FNIP1: variants seen among roughly 807,000 people sequenced by gnomAD.
FNIP1 encodes folliculin interacting protein 1, also known as folliculin-interacting protein 1.
Under a neutral mutation model 124.5 loss-of-function variants are expected in FNIP1, and 40 were observed. That is an observed-to-expected ratio of 0.32 (90% CI 0.25 to 0.42). FNIP1 has a LOEUF of 0.42. FNIP1 is among the 10% of genes least tolerant of loss of function. FNIP1 has a pLI of 1.00. For missense variants in FNIP1, 1,176 were observed against 1,403.7 expected, an observed-to-expected ratio of 0.84 and a Z score of 2.59; for synonymous variants, 472 against 470.6, an observed-to-expected ratio of 1.00 and a Z score of -0.04.
At chr5:131,693,307 T>TATAC (rs1554094448) in intron 11 of FNIP1, among the ~76,000 whole-genome samples, 26 of 29,236 alleles carry the variant, frequency 8.9e-4, no homozygotes, top group African/African-American at 2.8e-3. Flanking sequence ...CATATATATA[T>TATAC]ATATATATAC....
chr5:131,705,167 T>C (rs1769056233), intron 9 of FNIP1, among the ~76,000 whole-genome samples: 2 of 151,910 alleles, frequency 1.3e-5, no homozygotes, highest in Admixed American at 1.3e-4. Context: ...AAATAGCCAA[T>C]AAGCACAAGA....
chr5:131,760,900 GGGAGGGAGGGAGGGAGGGAA>G (rs1217951893), intron 1 of FNIP1, among the ~76,000 whole-genome samples: 1 of 150,950 alleles, frequency 6.6e-6, no homozygotes, highest in African/African-American at 2.4e-5. Flanking sequence ...GAAGGAAAGA[GGGAGGGAGGGAGGGAGGGAA>G]GGAGGGAGGG....
At chr5:131,690,478 T>G (rs1296653387) in intron 11 of FNIP1, among the ~76,000 whole-genome samples, 1 of 152,026 alleles carries the variant, frequency 6.6e-6, no homozygotes, top group Non-Finnish European at 1.5e-5. Context: ...AGTGACTGAG[T>G]TCTCATCAGA....
In FNIP1 at chr5:131,796,606, G is replaced by C. The variant is rs1418838965; in HGVS notation, c.92+224C>G. On this transcript the variant is annotated intron_variant, in intron 1 of 17. Coordinates refer to ENST00000510461, the MANE Select transcript of FNIP1 (RefSeq NM_133372.3). ...CAGGTCGTAAACAAACCGACGGGAGGAGGGGGAAGGGGCAACGGCGAGGCG... is the reference window on the plus strand; with the variant it reads ...CAGGTCGTAAACAAACCGACGGGAGCAGGGGGAAGGGGCAACGGCGAGGCG... The C allele has an allele frequency of 3.6e-5, 20 of 562,070 alleles. No homozygotes were observed. In the Admixed American group the frequency reaches 6.4e-4, roughly 18 times the overall value. 34.8% of individuals were successfully genotyped at this position (562,070 alleles called of 1,614,324 possible). A position where few individuals can be genotyped will look rare whatever the true frequency, so the allele number is the denominator to read the frequency against.
chr5:131,687,998 A>G (rs1768338433), intron 11 of FNIP1, among the ~76,000 whole-genome samples: 1 of 152,164 alleles, frequency 6.6e-6, no homozygotes, highest in Non-Finnish European at 1.5e-5. Flanking sequence ...CTGACTTGAG[A>G]GAGAAGCAGC....
Position 131,710,610 on chromosome 5 carries a change from A to C in FNIP1, c.674T>G (p.Leu225Arg), listed in dbSNP as rs771325266. ...GAAAGAGGCGCTCCTGATCAGGCGG[A>C]GCGGACCCTGCTCAGAGAATGCCCG... ...PRRAFSEQGPLRLIRSASFFA... is the reference protein window; with the variant it reads ...PRRAFSEQGPRRLIRSASFFA... The change falls in exon 7 of 18, where the codon CTC (leucine) becomes CGC (arginine). Residue 225 changes from leucine to arginine, a missense_variant. By Grantham distance (102) the Leu-to-Arg change is moderately radical (BLOSUM62 -2). Coordinates refer to ENST00000510461, the MANE Select transcript of FNIP1 (RefSeq NM_133372.3). 1 of 1,614,082 alleles carries C rather than the reference A, an allele frequency of 6.2e-7. No homozygotes were observed. Among genetic ancestry groups the C allele is most frequent in the Non-Finnish European group, 8.5e-7 (1 of 1,180,008 alleles).
chr5:131,717,797 A>C (rs956398972), intron 5 of FNIP1, among the ~76,000 whole-genome samples: 1 of 152,148 alleles, frequency 6.6e-6, no homozygotes, highest in Non-Finnish European at 1.5e-5. Context: ...TGGAATCTTT[A>C]ATTTCTACTT....
intron 1 of FNIP1, among the ~76,000 whole-genome samples, chr5:131,764,307 C>CT (rs77846852): frequency 0.021 from 2,841 of 137,046 alleles, 44 homozygotes; most frequent in South Asian, 0.036. Context: ...CCTAAAACAC[C>CT]TTTTTTTTTT....
intron 1 of FNIP1, among the ~76,000 whole-genome samples, chr5:131,769,246 T>G (rs1326285183): frequency 6.6e-6 from 1 of 152,244 alleles, no homozygotes; most frequent in Non-Finnish European, 1.5e-5. Context: ...TAATTAATAC[T>G]TGCTTAAAAC....
At chr5:131,747,911 G>C (rs1004576284) in intron 1 of FNIP1, among the ~76,000 whole-genome samples, 1 of 151,978 alleles carries the variant, frequency 6.6e-6, no homozygotes, top group Admixed American at 6.6e-5. Flanking sequence ...GTAGAGAACA[G>C]GATATAGAGC....
chr5:131,750,795 T>C (rs574779392), intron 1 of FNIP1, among the ~76,000 whole-genome samples: 1 of 152,206 alleles, frequency 6.6e-6, no homozygotes, highest in East Asian at 1.9e-4. Flanking sequence ...GTACTTTTAG[T>C]AGAAATAGGG....
At chr5:131,746,413 C>T (rs1770682675) in intron 1 of FNIP1, among the ~76,000 whole-genome samples, 1 of 152,196 alleles carries the variant, frequency 6.6e-6, no homozygotes, top group Non-Finnish European at 1.5e-5. Flanking sequence ...TTTTTCAACT[C>T]TTGCCCCTCT....
chr5:131,737,950 T>C (rs921321470), intron 2 of FNIP1, among the ~76,000 whole-genome samples: 1 of 152,214 alleles, frequency 6.6e-6, no homozygotes, highest in Non-Finnish European at 1.5e-5. Context: ...TTCTGCAGAC[T>C]GGGGCAGGGT....
rs111670978 is a variant in FNIP1, at chr5:131,702,483, A to AAATAAGAT, written c.1116+1574_1116+1581dup. 6.4e-3 allele frequency among the ~76,000 whole-genome samples: 971 copies of AAATAAGAT among 152,290 alleles called. 6 individuals carry two copies. Among genetic ancestry groups the AAATAAGAT allele is most frequent in the African/African-American group, 0.022 (919 of 41,554 alleles). The stretch of plus-strand genomic sequence containing the variant: ...AGCACAATATGCATAAAAAAGGCCT[A>AAATAAGAT]AATAAGATTTTTCAGCAATGAGTTA... On this transcript the variant is annotated intron_variant, in intron 10 of 17. Coordinates refer to ENST00000510461, the MANE Select transcript of FNIP1 (RefSeq NM_133372.3).
chr5:131,661,254 T>G (rs759186518), intron 15 of FNIP1, among the ~76,000 whole-genome samples: 33 of 94,034 alleles, frequency 3.5e-4, no homozygotes, highest in African/African-American at 7.8e-4. Flanking sequence ...GTGTGTGTGT[T>G]TGTACATCTA....
chr5:131,712,713 GTATT>G (rs1769336714), intron 6 of FNIP1, among the ~76,000 whole-genome samples: 1 of 152,164 alleles, frequency 6.6e-6, no homozygotes, highest in African/African-American at 2.4e-5. Flanking sequence ...TTCTAATAAA[GTATT>G]TATCAGTAGT....
At chr5:131,769,521 C>G (rs1323379992) in intron 1 of FNIP1, among the ~76,000 whole-genome samples, 1 of 152,178 alleles carries the variant, frequency 6.6e-6, no homozygotes, top group Non-Finnish European at 1.5e-5. Context: ...CAACTGTCAA[C>G]CCAGGTTAAT....
At chr5:131,729,691 C>T (rs1254672970) in intron 3 of FNIP1, among the ~76,000 whole-genome samples, 1 of 152,186 alleles carries the variant, frequency 6.6e-6, no homozygotes, top group Admixed American at 6.5e-5. Context: ...AATCCTCCCA[C>T]CTCAGCCTCC....
intron 2 of FNIP1, among the ~76,000 whole-genome samples, chr5:131,744,049 A>C (rs1770595552): frequency 6.6e-6 from 1 of 152,212 alleles, no homozygotes; most frequent in African/African-American, 2.4e-5. Context: ...TTCAAAAAAC[A>C]GCATGAGTGG....
Sources: allele counts gnomAD v4.1 joint callset (sites outside exome capture counted in the v4.1 genomes callset), GRCh38; gene constraint gnomAD v4.1.1; transcripts MANE v1.5; gene names NCBI Gene and HGNC (gene_info 2026-07-23, HGNC 2026-07-21).